Variants in AMBRA1 observed in about 807,000 individuals in gnomAD.
AMBRA1 encodes the protein autophagy and beclin 1 regulator 1.
AMBRA1 carries 47 observed loss-of-function variants against 125.4 expected under a neutral mutation model. The ratio of observed to expected loss-of-function variants is 0.37; its 90% CI spans 0.30 to 0.48. The LOEUF is 0.48. AMBRA1 is among the 20% of genes least tolerant of loss of function. The probability of loss-of-function intolerance (pLI) is 0.99; values close to 1 mark genes in which losing one functional copy is unlikely to be tolerated. For synonymous variants in AMBRA1, 626 were observed against 655.5 expected (o/e 0.95, Z 0.69); for missense variants, 1,331 against 1,693.4 (o/e 0.79, Z 3.76).
Position 46,542,734 on chromosome 11 carries a change from G to C in AMBRA1, c.1283C>G (p.Ser428Cys), listed in dbSNP as rs1366185562. 1.2e-6 allele frequency: 2 copies of C among 1,613,930 alleles called. No individual in the cohort carries two copies. Among genetic ancestry groups the C allele is most frequent in the African/African-American group, 2.7e-5 (2 of 74,872 alleles). ...EWTRTVLSLNSRSEAESMPPP... is the reference protein window; with the variant it reads ...EWTRTVLSLNCRSEAESMPPP... ...GGGCATGGATTCCGCCTCAGAGCGG[G>C]AGTTCAGACTGAGTACTGTCCGGGT... Residue 428 changes from serine (S) to cysteine (C), a missense_variant, in exon 7 of 18, where the codon TCC becomes TGC. Ser to Cys is a moderately radical substitution (Grantham distance 112). Coordinates refer to ENST00000683756, the MANE Select transcript of AMBRA1 (RefSeq NM_001387011.1). The surrounding 1 kb of genome is among the most constrained non-coding windows in gnomAD (Gnocchi z 5.9).
chr11:46,468,586 C>G (rs1416340705), intron 11 of AMBRA1, among the ~76,000 whole-genome samples: 1 of 150,924 alleles, frequency 6.6e-6, no homozygotes, highest in Non-Finnish European at 1.5e-5. Context: ...ATCACAAGGT[C>G]AGGAGATCGA....
At chr11:46,514,641 AT>A (rs34171336) in intron 7 of AMBRA1, among the ~76,000 whole-genome samples, 322 of 146,012 alleles carry the variant, frequency 2.2e-3, no homozygotes, top group Middle Eastern at 3.5e-3. Flanking sequence ...AATTGGCAGG[AT>A]TTTTTTTTTT....
At chr11:46,533,670 G>A (rs1952323956) in intron 7 of AMBRA1, among the ~76,000 whole-genome samples, 1 of 152,080 alleles carries the variant, frequency 6.6e-6, no homozygotes, top group African/African-American at 2.4e-5. Flanking sequence ...TGCAGAGTTG[G>A]CCTAGCTTTA....
rs1224323280 is a variant in AMBRA1, at chr11:46,519,929, T to C, written c.2073-7116A>G. 3.3e-5 allele frequency among the ~76,000 whole-genome samples: 5 copies of C among 152,170 alleles called. No individual in the cohort carries two copies. The East Asian group carries it at 5.8e-4, about 18-fold the overall frequency. Reference sequence around the variant, plus strand: ...CCAAGGTGGGCGGATCACCTGAGGTTGGGAGTTCAAGACCTGCCTGACCAA... The same window carrying C: ...CCAAGGTGGGCGGATCACCTGAGGTCGGGAGTTCAAGACCTGCCTGACCAA... On this transcript the variant is annotated intron_variant, in intron 7 of 17. Transcript: ENST00000683756.
intron 1 of AMBRA1, among the ~76,000 whole-genome samples, chr11:46,576,466 C>T (rs2043964275): frequency 6.6e-6 from 1 of 152,058 alleles, no homozygotes; most frequent in Admixed American, 6.6e-5. Context: ...CAATTATGTC[C>T]CAGGGTTATC....
intron 7 of AMBRA1, among the ~76,000 whole-genome samples, chr11:46,515,322 A>C (rs1951429392): frequency 6.6e-6 from 1 of 152,060 alleles, no homozygotes; most frequent in African/African-American, 2.4e-5. Flanking sequence ...AAATACAAAA[A>C]AGTAGCCAGG....
intron 1 of AMBRA1, among the ~76,000 whole-genome samples, chr11:46,562,677 T>C (rs61882750): frequency 1.3e-5 from 2 of 152,026 alleles, no homozygotes; most frequent in Non-Finnish European, 2.9e-5. Flanking sequence ...ATTAAAGGGA[T>C]AAATCAATAG....
At chr11:46,422,671 G>GT (rs1946903784) in intron 14 of AMBRA1, among the ~76,000 whole-genome samples, 1 of 152,006 alleles carries the variant, frequency 6.6e-6, no homozygotes, top group South Asian at 2.1e-4. Context: ...CAAGATGGTC[G>GT]TATTTTTTTT....
At chr11:46,428,140 C>T (rs1342737841) in intron 14 of AMBRA1, among the ~76,000 whole-genome samples, 5 of 151,584 alleles carry the variant, frequency 3.3e-5, no homozygotes, top group Admixed American at 2.6e-4. Context: ...TAGACCACTA[C>T]TGACCAGCAA....
chr11:46,584,575 TAC>T (rs1445285161), intron 1 of AMBRA1, among the ~76,000 whole-genome samples: 1 of 151,612 alleles, frequency 6.6e-6, no homozygotes, highest in Non-Finnish European at 1.5e-5. Flanking sequence ...GACTGAAAAA[TAC>T]ACACTCTGCT....
intron 9 of AMBRA1, among the ~76,000 whole-genome samples, chr11:46,506,590 C>T (rs1264037125): frequency 1.3e-5 from 2 of 152,174 alleles, no homozygotes; most frequent in Non-Finnish European, 2.9e-5. Context: ...AGGCCCCAGA[C>T]CTGACCCGGC....
At chr11:46,516,375 C>T (rs952335468) in intron 7 of AMBRA1, among the ~76,000 whole-genome samples, 1 of 150,966 alleles carries the variant, frequency 6.6e-6, no homozygotes, top group Non-Finnish European at 1.5e-5. Context: ...GAGTAAACAT[C>T]CTAGGAATGT....
Position 46,429,193 on chromosome 11 carries a change from C to A in AMBRA1, c.2976+4281G>T, listed in dbSNP as rs555863086. The A allele has an allele frequency of 2.7e-6, 4 of 1,473,918 alleles. No individual in the cohort carries two copies. In the South Asian group the frequency reaches 4.8e-5, roughly 18 times the overall value. The allele number at this position is 1,473,918 out of a possible 1,614,324, so 91.3% of individuals were successfully genotyped here. On this transcript the variant is annotated intron_variant, in intron 14 of 17. Transcript: ENST00000683756. ...CGCACTGGCTTCATCCTCCCCCTCT[C>A]CCTCGGACAATCTTCGCCTACCAGC...
intron 17 of AMBRA1, among the ~76,000 whole-genome samples, chr11:46,403,917 T>C (rs1215270955): frequency 6.6e-6 from 1 of 152,094 alleles, no homozygotes; most frequent in Non-Finnish European, 1.5e-5. Context: ...TAAATCTGTG[T>C]GGCTGCATGT....
chr11:46,585,031 T>G (rs961252906), intron 1 of AMBRA1, among the ~76,000 whole-genome samples: 4 of 152,026 alleles, frequency 2.6e-5, no homozygotes, highest in Non-Finnish European at 2.9e-5. Context: ...CACCACTCAC[T>G]GCACTCCAGC....
intron 14 of AMBRA1, among the ~76,000 whole-genome samples, chr11:46,432,680 A>C (rs1420785469): frequency 6.6e-6 from 1 of 152,250 alleles, no homozygotes; most frequent in Admixed American, 6.5e-5. Flanking sequence ...CAGCTAAAGA[A>C]GACAAAAAAT....
At chr11:46,592,015 G>A (rs1453426818) in intron 1 of AMBRA1, among the ~76,000 whole-genome samples, 1 of 140,482 alleles carries the variant, frequency 7.1e-6, no homozygotes, top group Non-Finnish European at 1.5e-5. Context: ...GCGTGATCTC[G>A]GCTCACCGCA....
rs770019488 is a variant in AMBRA1, at chr11:46,397,471, C to A, written c.3876G>T (p.Arg1292Ser). 1 of 1,516,722 alleles carries A rather than the reference C, an allele frequency of 6.6e-7. No homozygotes were observed. The highest frequency in any genetic ancestry group is 1.3e-5 in the South Asian group (1 of 75,532). 94.0% of individuals were successfully genotyped at this position (1,516,722 alleles called of 1,614,324 possible). A position where few individuals can be genotyped will look rare whatever the true frequency, so the allele number is the denominator to read the frequency against. Residue 1292 changes from arginine to serine, a missense_variant, in exon 18 of 18, where the codon AGG becomes AGT. Arg to Ser is a moderately radical substitution (Grantham distance 110). Around this residue, in one of 4 missense-constraint regions of AMBRA1, gnomAD observed 144 missense variants for 133.9 expected, o/e 1.08. Coordinates refer to ENST00000683756, the MANE Select transcript of AMBRA1 (RefSeq NM_001387011.1). ...GTCTCTACCTGTTCCGTGGTTCTCC[C>A]CTAGGGCCTGCAGCGTCCCCCCTGC... ...GSSRGDAAGP[R>S]GEPRNR
At chr11:46,461,955 T>C (rs181617448) in intron 11 of AMBRA1, among the ~76,000 whole-genome samples, 9 of 152,288 alleles carry the variant, frequency 5.9e-5, no homozygotes, top group African/African-American at 1.9e-4. Flanking sequence ...TAATTTTAAG[T>C]CTCATACTGC....
Sources: allele counts gnomAD v4.1 joint callset (sites outside exome capture counted in the v4.1 genomes callset), GRCh38; gene constraint gnomAD v4.1.1; regional missense constraint gnomAD v4.1.1; non-coding constraint Gnocchi (gnomAD v3.1); transcripts MANE v1.5; gene names NCBI Gene and HGNC (gene_info 2026-07-23, HGNC 2026-07-21).